The following ELMO3 variants were observed in gnomAD, a reference collection of about 807,000 sequenced individuals.
The protein encoded by ELMO3 is engulfment and cell motility protein 3.
A neutral mutation model predicts 89.0 loss-of-function variants in ELMO3; 81 were observed. The ratio of observed to expected loss-of-function variants is 0.91; its 90% CI spans 0.76 to 1.09. The LOEUF (loss-of-function observed/expected upper bound fraction) is 1.09, where lower values mean the gene tolerates loss of function less well. Ranked by LOEUF, ELMO3 falls within the 50% of genes least tolerant of loss-of-function variation. The pLI is 0.00. For missense variants in ELMO3, 959 were observed against 972.8 expected, an observed-to-expected ratio of 0.99 and a Z score of 0.19; for synonymous variants, 406 against 400.6, an observed-to-expected ratio of 1.01 and a Z score of -0.16.
chr16:67,203,702 G>A lies in ELMO3; in HGVS notation c.1988G>A (p.Gly663Asp). The stretch of plus-strand genomic sequence containing the variant: ...ACAGATGGGCTCAGTGCCTTGCTGG[G>A]CAGTCCCATGGGCAGCGAGCAGACA... The part of the protein sequence containing the change: ...LWTDGLSALL[G>D]SPMGSEQTRL... Residue 663 changes from glycine to aspartate, a missense_variant, in exon 20 of 20, where the codon GGC becomes GAC. Transcript: ENST00000393997. This position sits in a 1 kb window ranked among gnomAD's most constrained non-coding sequence, Gnocchi z 4.6. 3.7e-6 allele frequency: 6 copies of A among 1,613,742 alleles called. No homozygotes were observed. The highest frequency in any genetic ancestry group is 5.1e-6 in the Non-Finnish European group (6 of 1,179,990).
intron 1 of ELMO3, 72 bp downstream of exon 1, chr16:67,199,476 G>GGGCCCC: frequency 7.6e-5 from 114 of 1,503,062 alleles, no homozygotes; most frequent in Non-Finnish European, 9.2e-5. Flanking sequence ...CCTCGGGGCA[G>GGGCCCC]CCCGCCCCAC....
chr16:67,202,671 G>A lies in ELMO3; in HGVS notation c.1443G>A (p.Leu481=), dbSNP rs1382003990. 3 of 1,613,166 alleles carry A rather than the reference G, an allele frequency of 1.9e-6. No homozygotes were observed. The highest frequency in any genetic ancestry group is 2.2e-5 in the South Asian group (2 of 91,064). Reference sequence around the variant, plus strand: ...AGCAGCTGGCCCGCACTCTGGCCCTGAAGCCCACTTCCCTGGAGCTCTTCC... The same window carrying A: ...AGCAGCTGGCCCGCACTCTGGCCCTAAAGCCCACTTCCCTGGAGCTCTTCC... ...VREQLARTLA[L]KPTSLELFRT... The change falls in exon 15 of 20, where the codon CTG becomes CTA. Residue 481 remains leucine, a synonymous_variant. Coordinates refer to ENST00000393997, the MANE Select transcript of ELMO3 (RefSeq NM_024712.5).
rs1401624632 is a variant in ELMO3 at position 67,199,940 on chromosome 16, G to C, written c.193-11G>C. On this transcript the variant is annotated splice_polypyrimidine_tract_variant and intron_variant, in intron 3 of 19. Transcript: ENST00000393997. Reference sequence around the variant, plus strand: ...CCCTGACCTCGCTGCCTTTTCTGCTGTCTTCTCCAGAACCGCGCGGAGATC... The same window carrying C: ...CCCTGACCTCGCTGCCTTTTCTGCTCTCTTCTCCAGAACCGCGCGGAGATC... The C allele has an allele frequency of 1.9e-6, 3 of 1,613,908 alleles. No homozygotes were observed. The highest frequency in any genetic ancestry group is 1.1e-5 in the South Asian group (1 of 91,080).
intron 3 of ELMO3, 58 bp from the exon 4 acceptor site, chr16:67,199,893 G>T: frequency 4.3e-6 from 7 of 1,612,884 alleles, no homozygotes; most frequent in South Asian, 2.2e-5. Flanking sequence ...CGACACCCCA[G>T]TTGATCAGTC....
chr16:67,201,458 G>T, intron 9 of ELMO3, 23 bp downstream of exon 9: 1 of 1,613,966 alleles, frequency 6.2e-7, no homozygotes, highest in Non-Finnish European at 8.5e-7. Flanking sequence ...GGGCCAGGGG[G>T]ACCTCTCTGC....
In ELMO3 at chr16:67,200,542, G is replaced by T. The variant is rs1490946050; in HGVS notation, c.505G>T (p.Val169Leu). ...CTGGGAGACTCTGAGCATCCCCTTT[G>T]TGAGGAAGGTGGGTGGGCTTTCCTA... ...VSWETLSIPFVRKVVCYVNMN... is the reference protein window; with the variant it reads ...VSWETLSIPFLRKVVCYVNMN... Residue 169 changes from valine (V) to leucine (L), a missense_variant, in exon 6 of 20, where the codon GTG becomes TTG. By Grantham distance (32) the Val-to-Leu change is conservative. Coordinates refer to ENST00000393997, the MANE Select transcript of ELMO3 (RefSeq NM_024712.5). 6.2e-7 allele frequency: 1 copy of T among 1,613,758 alleles called. No individual in the cohort carries two copies. Among genetic ancestry groups the T allele is most frequent in the Non-Finnish European group, 8.5e-7 (1 of 1,179,950 alleles).
Position 67,203,924 on chromosome 16 carries a change from T to G in ELMO3, c.*47T>G. ...ACAGCTGCGGCCACTGCAGCAGCCATGAAGGGCAGTGGGTAGAGGAGTGCA... is the reference window on the plus strand; with the variant it reads ...ACAGCTGCGGCCACTGCAGCAGCCAGGAAGGGCAGTGGGTAGAGGAGTGCA... On this transcript the variant is annotated 3_prime_UTR_variant, in exon 20 of 20. Transcript: ENST00000393997. This position sits in a 1 kb window ranked among gnomAD's most constrained non-coding sequence, Gnocchi z 4.6. 1 of 1,455,688 alleles carries G rather than the reference T, an allele frequency of 6.9e-7. No individual in the cohort carries two copies. Among genetic ancestry groups the G allele is most frequent in the Middle Eastern group, 2.4e-4 (1 of 4,094 alleles). 90.2% of individuals were successfully genotyped at this position (1,455,688 alleles called of 1,614,324 possible). A position where few individuals can be genotyped will look rare whatever the true frequency, so the allele number is the denominator to read the frequency against.
rs754554369 is a variant in ELMO3, at chr16:67,202,940, G to A, written c.1611G>A (p.Gln537=). ...LKPELMGLIR[Q]QRLLRLCEGT... is the part of the protein sequence containing the mutation. Reference sequence around the variant, plus strand: ...CAGAGCTCATGGGCCTGATCCGCCAGCAGCGCTTGCTCCGCCTCTGTGAGG... The same window carrying A: ...CAGAGCTCATGGGCCTGATCCGCCAACAGCGCTTGCTCCGCCTCTGTGAGG... Residue 537 remains glutamine, a synonymous_variant, in exon 16 of 20, where the codon CAG becomes CAA. Coordinates refer to ENST00000393997, the MANE Select transcript of ELMO3 (RefSeq NM_024712.5). The A allele has an allele frequency of 2.5e-6, 4 of 1,610,404 alleles. No individual in the cohort carries two copies. The African/African-American group carries it at 4.0e-5, about 16-fold the overall frequency.
At chr16:67,201,063 T>G in intron 8 of ELMO3, 95 bp downstream of exon 8, 1 of 1,221,682 alleles carries the variant, frequency 8.2e-7, no homozygotes, top group East Asian at 2.6e-5. Flanking sequence ...TTTTTTTTTT[T>G]GAGATGGAGT....
chr16:67,199,872 GC>G (rs1250943330), intron 3 of ELMO3, 78 bp from the exon 4 acceptor site: 2 of 1,608,598 alleles, frequency 1.2e-6, no homozygotes, highest in Non-Finnish European at 1.7e-6. Flanking sequence ...TTCACCCCCA[GC>G]CGCCCTCACC....
intron 7 of ELMO3, 35 bp downstream of exon 7, chr16:67,200,843 G>A (rs2033086238): frequency 6.2e-7 from 1 of 1,613,528 alleles, no homozygotes; most frequent in East Asian, 2.2e-5. Context: ...GATGCAGGGA[G>A]CAGGGCTGGA....
rs969423279 is a variant in ELMO3, at chr16:67,202,444, C to T, written c.1309C>T (p.Gln437Ter). Residue 437 changes from glutamine (Q) to a stop codon, truncating the protein, a stop_gained, in exon 14 of 20, where the codon CAG becomes TAG. Coordinates refer to ENST00000393997, the MANE Select transcript of ELMO3 (RefSeq NM_024712.5). LOFTEE classifies it high-confidence loss of function. ...CTCACCCATGTTCTTCGGCCAAGAC[C>T]AGAGCTTCCACGAGCTCTTCTGTGT... ...DFSPMFFGQD[Q>*]SFHELFCVGI... The T allele has an allele frequency of 2.5e-6, 4 of 1,613,806 alleles. No homozygotes were observed. Among genetic ancestry groups the T allele is most frequent in the Non-Finnish European group, 3.4e-6 (4 of 1,180,032 alleles).
Position 67,201,300 on chromosome 16 carries a change from G to A in ELMO3, c.745-85G>A, listed in dbSNP as rs553188307. 86 of 1,501,586 alleles carry A rather than the reference G, an allele frequency of 5.7e-5. 2 individuals are homozygous for A. The East Asian group carries it at 5.8e-4, about 10-fold the overall frequency. The allele number at this position is 1,501,586 out of a possible 1,614,324, so 93.0% of individuals were successfully genotyped here. On this transcript the variant is annotated intron_variant, in intron 8 of 19. Transcript: ENST00000393997. ...CCTCCATCTCCTGACCTCGTGATCCGCCCGCCTTGGCCTCCCAAAGTGCTG... is the reference window on the plus strand; with the variant it reads ...CCTCCATCTCCTGACCTCGTGATCCACCCGCCTTGGCCTCCCAAAGTGCTG...
Position 67,203,497 on chromosome 16 carries a change from G to A in ELMO3, c.1864G>A (p.Asp622Asn), listed in dbSNP as rs779818334. Residue 622 changes from aspartate to asparagine, a missense_variant and splice_region_variant, in exon 19 of 20, where the codon GAC becomes AAC. Transcript: ENST00000393997. This position sits in a 1 kb window ranked among gnomAD's most constrained non-coding sequence, Gnocchi z 4.6. ...TGTCCCCGCTCCCTTGCTTCCCCAG[G>A]ACCTCTATGAGTTGGCCTTCTCAAT... The part of the protein sequence containing the change: ...REKGSGKQNK[D>N]LYELAFSISY... 1.7e-5 allele frequency: 28 copies of A among 1,613,804 alleles called. No homozygotes were observed. The highest frequency in any genetic ancestry group is 2.4e-5 in the Non-Finnish European group (28 of 1,179,940).
rs1408461400 is a variant in ELMO3 at position 67,202,264 on chromosome 16, T to C, written c.1241T>C (p.Leu414Pro). The change falls in exon 13 of 20, where the codon CTG (leucine) becomes CCG (proline). Residue 414 changes from leucine (L) to proline (P), a missense_variant. Coordinates refer to ENST00000393997, the MANE Select transcript of ELMO3 (RefSeq NM_024712.5). ...CAGCTGACGGTGCTGCTGTGTGAGC[T>C]GCTCCGTGTTGGGGAGCCCTGTGAG... ...SIQLTVLLCE[L>P]LRVGEPCSET... The C allele has an allele frequency of 1.9e-6, 3 of 1,607,446 alleles. No homozygotes were observed. The highest frequency in any genetic ancestry group is 2.6e-6 in the Non-Finnish European group (3 of 1,175,430).
At position 67,201,646 on chromosome 16, in the gene ELMO3, T is replaced by A. The variant is rs1250694416; in HGVS notation, c.918+4T>A. 1.9e-6 allele frequency: 3 copies of A among 1,611,786 alleles called. No homozygotes were observed. Among genetic ancestry groups the A allele is most frequent in the African/African-American group, 1.3e-5 (1 of 74,914 alleles). On this transcript the variant is annotated splice_donor_region_variant and intron_variant, in intron 10 of 19. Coordinates refer to ENST00000393997, the MANE Select transcript of ELMO3 (RefSeq NM_024712.5). ...GCCCCTGGACCCCTACAGCCAGGTG[T>A]GTGTCTTTGGTGAGGACAAGGCAGG...
intron 6 of ELMO3, 40 bp downstream of exon 6, chr16:67,200,590 AGCAGTGGG>A (rs748177880): frequency 1.2e-5 from 19 of 1,612,414 alleles, no homozygotes; most frequent in Non-Finnish European, 1.5e-5. Flanking sequence ...GGGGCAGTGG[AGCAGTGGG>A]GCAGTGGTAG....
Position 67,203,183 on chromosome 16 carries a change from G to A in ELMO3, c.1740G>A (p.Glu580=), listed in dbSNP as rs1368162277. 1 of 1,611,306 alleles carries A rather than the reference G, an allele frequency of 6.2e-7. No homozygotes were observed. Among genetic ancestry groups the A allele is most frequent in the African/African-American group, 1.3e-5 (1 of 74,924 alleles). ...HKLLQYGDME[E]GASPPTLESL... ...TGCTGCAGTACGGAGACATGGAGGA[G>A]GGCGCCAGCCCGCCTACCCTGGAGA... is the stretch of plus-strand genomic sequence containing the variant. Residue 580 remains glutamate (E), a synonymous_variant, in exon 17 of 20, where the codon GAG becomes GAA. Transcript: ENST00000393997. This position sits in a 1 kb window ranked among gnomAD's most constrained non-coding sequence, Gnocchi z 4.6.
chr16:67,200,879 TC>T lies in ELMO3; in HGVS notation c.666-10del, dbSNP rs2033087253. 1.2e-6 allele frequency: 2 copies of T among 1,613,638 alleles called. No homozygotes were observed. The highest frequency in any genetic ancestry group is 2.7e-5 in the African/African-American group (2 of 74,926). ...GCCTGAATGTTCCACTGAGCCCTCT[TC>T]TTGCCATAGGATGAACCAGCAGCTG... is the stretch of plus-strand genomic sequence containing the variant. On this transcript the variant is annotated splice_polypyrimidine_tract_variant and intron_variant, in intron 7 of 19. Coordinates refer to ENST00000393997, the MANE Select transcript of ELMO3 (RefSeq NM_024712.5).
Sources: allele counts gnomAD v4.1 joint callset, GRCh38; gene constraint gnomAD v4.1.1; non-coding constraint Gnocchi (gnomAD v3.1); transcripts MANE v1.5; gene names NCBI Gene and HGNC (gene_info 2026-07-23, HGNC 2026-07-21).